Variants in TRPS1 observed in about 807,000 individuals in gnomAD.
The protein encoded by TRPS1 is zinc finger transcription factor Trps1.
In TRPS1, 6 loss-of-function variants were observed where a neutral mutation model predicts 101.2. The observed-to-expected ratio is 0.06, with a 90% CI of 0.03 to 0.12. The LOEUF is 0.12. Among genes scored for constraint, TRPS1 ranks in the 10% least tolerant of loss-of-function variants. TRPS1 has a pLI of 1.00. For synonymous variants in TRPS1, 578 were observed against 589.8 expected (o/e 0.98, Z 0.29); for missense variants, 1,363 against 1,567.0 (o/e 0.87, Z 2.20).
At chr8:115,485,930 G>A (rs1384513719) in intron 5 of TRPS1, among the ~76,000 whole-genome samples, 1 of 152,158 alleles carries the variant, frequency 6.6e-6, no homozygotes, top group African/African-American at 2.4e-5. Context: ...GAAGAAATTA[G>A]TCATGTCACA....
At chr8:115,508,356 C>T (rs563035385) in intron 5 of TRPS1, among the ~76,000 whole-genome samples, 5 of 152,172 alleles carry the variant, frequency 3.3e-5, no homozygotes, top group South Asian at 2.1e-4. Context: ...TCAAGAATTT[C>T]GCCATTCTTT....
chr8:115,571,247 A>G (rs892022285), intron 5 of TRPS1, among the ~76,000 whole-genome samples: 5 of 152,230 alleles, frequency 3.3e-5, no homozygotes, highest in Admixed American at 2.0e-4. Context: ...AAATGATTAT[A>G]ATACATCTTC....
At chr8:115,432,918 T>C (rs573200139) in intron 5 of TRPS1, among the ~76,000 whole-genome samples, 1 of 151,516 alleles carries the variant, frequency 6.6e-6, no homozygotes, top group South Asian at 2.1e-4. Flanking sequence ...ATGATGAAAA[T>C]AGGCTGAATT....
chr8:115,508,426 T>A (rs1332887850), intron 5 of TRPS1, among the ~76,000 whole-genome samples: 1 of 152,128 alleles, frequency 6.6e-6, no homozygotes. Context: ...CGTAGTACTG[T>A]CCTCAGCCGA....
intron 5 of TRPS1, among the ~76,000 whole-genome samples, chr8:115,554,985 T>C (rs1050190764): frequency 6.6e-6 from 1 of 152,166 alleles, no homozygotes; most frequent in Non-Finnish European, 1.5e-5. Context: ...TAAGTGGTTC[T>C]ACCTCAAACA....
intron 5 of TRPS1, among the ~76,000 whole-genome samples, chr8:115,472,672 G>A (rs762555738): frequency 1.4e-4 from 21 of 152,128 alleles, no homozygotes; most frequent in Non-Finnish European, 3.1e-4. Context: ...TTAAACATAA[G>A]TGCCAATTCC....
chr8:115,622,192 T>C (rs189304674), intron 2 of TRPS1, among the ~76,000 whole-genome samples: 54 of 152,152 alleles, frequency 3.5e-4, no homozygotes, highest in Non-Finnish European at 1.9e-4. Context: ...TAACCACTGT[T>C]AAAAAAGGAA....
chr8:115,510,339 G>T (rs1586348517), intron 5 of TRPS1, among the ~76,000 whole-genome samples: 1 of 152,024 alleles, frequency 6.6e-6, no homozygotes, highest in East Asian at 1.9e-4. Flanking sequence ...TGGCCAAAGA[G>T]CCTTTTAAGA....
intron 5 of TRPS1, among the ~76,000 whole-genome samples, chr8:115,480,570 C>CTTA (rs1357293652): frequency 6.6e-6 from 1 of 151,824 alleles, no homozygotes; most frequent in African/African-American, 2.4e-5. Context: ...TTTAAGCTAC[C>CTTA]ATAGGTCAGA....
intron 5 of TRPS1, among the ~76,000 whole-genome samples, chr8:115,519,013 A>AG (rs1026107122): frequency 1.8e-4 from 27 of 151,798 alleles, no homozygotes. Context: ...ATATATGTGC[A>AG]GTAGTTACAC....
intron 5 of TRPS1, among the ~76,000 whole-genome samples, chr8:115,540,110 T>A (rs1255306407): frequency 1.3e-5 from 2 of 152,218 alleles, no homozygotes; most frequent in African/African-American, 4.8e-5. Context: ...GAATTCATAA[T>A]CTGATTTTAT....
intron 5 of TRPS1, among the ~76,000 whole-genome samples, chr8:115,487,333 T>C (rs1163905917): frequency 2.0e-5 from 3 of 152,168 alleles, no homozygotes; most frequent in Admixed American, 6.5e-5. Context: ...CTGATGGATA[T>C]GTACAAAGAG....
At chr8:115,624,038 A>G (rs1178734611) in intron 1 of TRPS1, among the ~76,000 whole-genome samples, 1 of 152,050 alleles carries the variant, frequency 6.6e-6, no homozygotes. Flanking sequence ...TTCAACCCTA[A>G]TGACCATAAT....
rs909831491 is a variant in TRPS1 at position 115,412,007 on chromosome 8, A to C, written c.*2016T>G. On this transcript the variant is annotated 3_prime_UTR_variant, in exon 7 of 7. Coordinates refer to ENST00000395715, the MANE Select transcript of TRPS1 (RefSeq NM_014112.5). ...AAAGCAACTGCGAATTAATGTAAAA[A>C]TGGAGTGCAAATGCGACTACAGAAT... is the stretch of plus-strand genomic sequence containing the variant. The C allele has an allele frequency of 7.1e-6, 1 of 140,734 alleles. No homozygotes were observed. Among genetic ancestry groups the C allele is most frequent in the African/African-American group, 2.8e-5 (1 of 35,860 alleles). The allele number at this position is 140,734 out of a possible 1,614,324, so 8.7% of individuals were successfully genotyped here.
At chr8:115,563,257 T>A (rs1263096943) in intron 5 of TRPS1, among the ~76,000 whole-genome samples, 1 of 152,028 alleles carries the variant, frequency 6.6e-6, no homozygotes, top group African/African-American at 2.4e-5. Flanking sequence ...GATTTTTTTC[T>A]TCTACTTTTC....
chr8:115,631,554 TA>T (rs1229929051), intron 1 of TRPS1, among the ~76,000 whole-genome samples: 1 of 152,036 alleles, frequency 6.6e-6, no homozygotes, highest in African/African-American at 2.4e-5. Context: ...TGCAAGTTTT[TA>T]AAAAGCCAAG....
chr8:115,502,361 A>G (rs1334792757), intron 5 of TRPS1, among the ~76,000 whole-genome samples: 6 of 152,166 alleles, frequency 3.9e-5, no homozygotes, highest in Non-Finnish European at 8.8e-5. Flanking sequence ...AACTTCAAAC[A>G]CTAGAATACT....
At chr8:115,510,781 T>C (rs1008258547) in intron 5 of TRPS1, among the ~76,000 whole-genome samples, 1 of 151,962 alleles carries the variant, frequency 6.6e-6, no homozygotes, top group African/African-American at 2.4e-5. Context: ...TGATTCTTCT[T>C]GCCATACTGA....
At chr8:115,523,630 A>G (rs1209478341) in intron 5 of TRPS1, among the ~76,000 whole-genome samples, 1 of 152,150 alleles carries the variant, frequency 6.6e-6, no homozygotes, top group African/African-American at 2.4e-5. Context: ...CCTAAATTCT[A>G]TTCTGAATAT....
Sources: allele counts gnomAD v4.1 joint callset (sites outside exome capture counted in the v4.1 genomes callset), GRCh38; gene constraint gnomAD v4.1.1; transcripts MANE v1.5; gene names NCBI Gene and HGNC (gene_info 2026-07-23, HGNC 2026-07-21).